C14orf132: variants seen among roughly 807,000 people sequenced by gnomAD.
C14orf132 encodes chromosome 14 open reading frame 132.
Under a neutral mutation model 5.8 loss-of-function variants are expected in C14orf132, and 6 were observed. The observed-to-expected ratio is 1.03, with a 90% CI of 0.57 to 2.04. C14orf132 has a LOEUF of 2.04. C14orf132 is among the 30% of genes most tolerant of loss of function. The probability of loss-of-function intolerance (pLI) is 0.00; values close to 1 mark genes in which losing one functional copy is unlikely to be tolerated. For synonymous variants in C14orf132, 51 were observed against 49.8 expected (o/e 1.02, Z -0.10); for missense variants, 125 against 115.8 (o/e 1.08, Z -0.37).
Position 96,090,736 on chromosome 14 carries a change from G to A in C14orf132, c.*4001G>A, listed in dbSNP as rs1888371359. The A allele has an allele frequency of 8.8e-6, 4 of 455,964 alleles. No individual in the cohort carries two copies. Among genetic ancestry groups the A allele is most frequent in the South Asian group, 6.2e-5 (4 of 64,562 alleles). 28.2% of individuals were successfully genotyped at this position (455,964 alleles called of 1,614,324 possible). A position where few individuals can be genotyped will look rare whatever the true frequency, so the allele number is the denominator to read the frequency against. On this transcript the variant is annotated 3_prime_UTR_variant, in exon 2 of 2. Coordinates refer to ENST00000555004, the MANE Select transcript of C14orf132 (RefSeq NM_001252507.3). Reference sequence around the variant, plus strand: ...AGGGGCAGCAGCATTTCGCTGGAAAGGCAGCAGATGCTTTTCCAGCCCCGG... The same window carrying A: ...AGGGGCAGCAGCATTTCGCTGGAAAAGCAGCAGATGCTTTTCCAGCCCCGG...
rs1284239427 is a variant in C14orf132 at position 96,092,317 on chromosome 14, A to T, written c.*5582A>T. Reference sequence around the variant, plus strand: ...CATCCAGACATTTGGCAAGGCTGTCATCTGCTCTTGGGTCCTTTTTCAAGC... The same window carrying T: ...CATCCAGACATTTGGCAAGGCTGTCTTCTGCTCTTGGGTCCTTTTTCAAGC... On this transcript the variant is annotated 3_prime_UTR_variant, in exon 2 of 2. Transcript: ENST00000555004. The T allele has an allele frequency of 6.6e-6, 1 of 152,200 alleles. No homozygotes were observed. Among genetic ancestry groups the T allele is most frequent in the African/African-American group, 2.4e-5 (1 of 41,450 alleles). 9.4% of individuals were successfully genotyped at this position (152,200 alleles called of 1,614,324 possible).
At chr14:96,040,445 C>A (rs1048810361) in intron 1 of C14orf132, 7 of 393,218 alleles carry the variant, frequency 1.8e-5, no homozygotes, top group Non-Finnish European at 2.7e-5. Context: ...GCAGAGAGGT[C>A]GGGAGGCCAC....
chr14:96,054,299 G>A lies in C14orf132; in HGVS notation c.27+14772G>A, dbSNP rs531298261. Among the ~76,000 whole-genome samples the A allele has an allele frequency of 9.9e-5, 15 of 152,282 alleles. No individual in the cohort carries two copies. In the East Asian group the frequency reaches 1.4e-3, roughly 14 times the overall value. On this transcript the variant is annotated intron_variant, in intron 1 of 1. Transcript: ENST00000555004. ...AGCATGGCCCTGCCACTGCGCTGCC[G>A]GGGAAATCACGTCATGGTCCCCAGC...
chr14:96,084,782 A>G (rs1449693480), intron 1 of C14orf132, among the ~76,000 whole-genome samples: 1 of 152,174 alleles, frequency 6.6e-6, no homozygotes, highest in Non-Finnish European at 1.5e-5. Context: ...CTCTAGGTCA[A>G]TAACTGCCCT....
chr14:96,049,661 G>T lies in C14orf132; in HGVS notation c.27+10134G>T, dbSNP rs1342447865. On this transcript the variant is annotated intron_variant, in intron 1 of 1. Coordinates refer to ENST00000555004, the MANE Select transcript of C14orf132 (RefSeq NM_001252507.3). ...ATACGTATATATATATATAGAGAGA[G>T]AGAGAGAGAGAGTTCTGTCTTCTCT... Among the ~76,000 whole-genome samples, 15 of 130,454 alleles carry T rather than the reference G, an allele frequency of 1.1e-4. 1 individual carries two copies. Among genetic ancestry groups the T allele is most frequent in the South Asian group, 2.4e-4 (1 of 4,178 alleles). The allele number at this position is 130,454 out of a possible 152,430, so 85.6% of individuals were successfully genotyped here.
At chr14:96,076,142 G>A (rs1194765112) in intron 1 of C14orf132, among the ~76,000 whole-genome samples, 2 of 152,082 alleles carry the variant, frequency 1.3e-5, no homozygotes, top group African/African-American at 4.8e-5. Context: ...AGTTTTGGTA[G>A]TTTGTGTTTT....
chr14:96,041,099 A>G (rs1216741681), intron 1 of C14orf132, among the ~76,000 whole-genome samples: 2 of 152,204 alleles, frequency 1.3e-5, no homozygotes, highest in South Asian at 2.1e-4. Context: ...TTTGTTTACA[A>G]TTCACATTCC....
At chr14:96,079,932 A>C (rs1721555020) in intron 1 of C14orf132, among the ~76,000 whole-genome samples, 1 of 152,252 alleles carries the variant, frequency 6.6e-6, no homozygotes, top group African/African-American at 2.4e-5. Context: ...TTGTCAGATA[A>C]ACAACAAATA....
intron 1 of C14orf132, among the ~76,000 whole-genome samples, chr14:96,080,668 C>A (rs908262572): frequency 7.9e-5 from 12 of 152,202 alleles, no homozygotes; most frequent in Non-Finnish European, 1.6e-4. Flanking sequence ...CTAAAGGCCA[C>A]CCCACTCCTT....
chr14:96,070,075 A>T (rs762445330), intron 1 of C14orf132, among the ~76,000 whole-genome samples: 25 of 152,294 alleles, frequency 1.6e-4, no homozygotes, highest in Non-Finnish European at 3.2e-4. Context: ...AGCCAGGTAG[A>T]TTTACTGAAA....
intron 1 of C14orf132, among the ~76,000 whole-genome samples, chr14:96,058,174 C>T (rs1320197926): frequency 6.6e-6 from 1 of 152,138 alleles, no homozygotes; most frequent in East Asian, 1.9e-4. Context: ...AGGGTCTCCA[C>T]TCTCCTCCCT....
At chr14:96,073,169 C>A (rs1231865302) in intron 1 of C14orf132, among the ~76,000 whole-genome samples, 1 of 151,792 alleles carries the variant, frequency 6.6e-6, no homozygotes, top group Non-Finnish European at 1.5e-5. Context: ...TTAAGTTTAG[C>A]CATTGTGATA....
intron 1 of C14orf132, among the ~76,000 whole-genome samples, chr14:96,061,078 C>T (rs867599123): frequency 6.6e-6 from 1 of 152,214 alleles, no homozygotes; most frequent in Non-Finnish European, 1.5e-5. Flanking sequence ...AACACAATGG[C>T]AGCTTATTAA....
At chr14:96,056,132 G>C (rs182487521) in intron 1 of C14orf132, among the ~76,000 whole-genome samples, 5 of 152,220 alleles carry the variant, frequency 3.3e-5, no homozygotes, top group Non-Finnish European at 5.9e-5. Context: ...CTCAGAATGC[G>C]GTGTAGGCCA....
intron 1 of C14orf132, among the ~76,000 whole-genome samples, chr14:96,062,133 A>G (rs1887377241): frequency 6.6e-6 from 1 of 152,136 alleles, no homozygotes; most frequent in African/African-American, 2.4e-5. Context: ...CCTTGCAGGC[A>G]GCTTTTCTTG....
intron 1 of C14orf132, among the ~76,000 whole-genome samples, chr14:96,076,616 G>GA (rs35206197): frequency 5.9e-4 from 89 of 150,980 alleles, no homozygotes; most frequent in Non-Finnish European, 8.6e-4. Context: ...TAGCTGATGA[G>GA]AAAAAAAAAA....
chr14:96,069,432 G>A (rs1439506370), intron 1 of C14orf132, among the ~76,000 whole-genome samples: 1 of 151,808 alleles, frequency 6.6e-6, no homozygotes, highest in Non-Finnish European at 1.5e-5. Flanking sequence ...TTAGTTTCTG[G>A]TTCTTTGGAA....
rs761741434 is a variant in C14orf132, at chr14:96,066,723, A to G, written c.28-19788A>G. Reference sequence around the variant, plus strand: ...AAAATAGACAAGTACACAGTTAACTATAATGTAATGTGAGTACACATCTAA... The same window carrying G: ...AAAATAGACAAGTACACAGTTAACTGTAATGTAATGTGAGTACACATCTAA... On this transcript the variant is annotated intron_variant, in intron 1 of 1. Transcript: ENST00000555004. Among the ~76,000 whole-genome samples, 58 of 152,234 alleles carry G rather than the reference A, an allele frequency of 3.8e-4. 1 individual carries two copies. Among genetic ancestry groups the G allele is most frequent in the Non-Finnish European group, 2.2e-4 (15 of 68,052 alleles).
intron 1 of C14orf132, among the ~76,000 whole-genome samples, chr14:96,074,454 C>CATTTTTCTCTTAACAT (rs926965381): frequency 6.6e-6 from 1 of 151,786 alleles, no homozygotes; most frequent in Non-Finnish European, 1.5e-5. Flanking sequence ...AGATTACAGA[C>CATTTTTCTCTTAACAT]ATTTTTCTCT....
Sources: gnomAD v4.1 joint callset for allele counts (sites outside exome capture counted in the v4.1 genomes callset) on GRCh38, gnomAD v4.1.1 for gene constraint, MANE v1.5 for transcripts, NCBI Gene and HGNC (gene_info 2026-07-23, HGNC 2026-07-21) for gene names.